The following UNC13D variants were observed in gnomAD, a reference collection of about 807,000 sequenced individuals.
UNC13D encodes the protein protein unc-13 homolog D.
A neutral mutation model predicts 151.7 loss-of-function variants in UNC13D; 115 were observed. The observed-to-expected ratio is 0.76, with a 90% CI of 0.65 to 0.88. UNC13D has a LOEUF of 0.88. UNC13D is among the 40% of genes least tolerant of loss of function. UNC13D has a pLI of 0.00. For synonymous variants in UNC13D, 588 were observed against 612.2 expected (o/e 0.96, Z 0.58); for missense variants, 1,369 against 1,438.7 (o/e 0.95, Z 0.78).
Position 75,828,899 on chromosome 17 carries a change from G to C in UNC13D, c.3039C>G (p.Asp1013Glu), listed in dbSNP as rs769897808. Residue 1013 changes from aspartate to glutamate, a missense_variant, in exon 31 of 32, where the codon GAC becomes GAG. Coordinates refer to ENST00000207549, the MANE Select transcript of UNC13D (RefSeq NM_199242.3). ...GCGGCAGGAAGGCCTCGCCTTCCAG[G>C]TCGTCGGCCCCCAGCGTGTCGTAGT... ...VLDYDTLGAD[D>E]LEGEAFLPLR... 6.2e-7 allele frequency: 1 copy of C among 1,607,138 alleles called. No individual in the cohort carries two copies. The highest frequency in any genetic ancestry group is 8.5e-7 in the Non-Finnish European group (1 of 1,179,594).
intron 19 of UNC13D, 35 bp from the exon 20 acceptor site, chr17:75,835,564 G>A: frequency 6.2e-7 from 1 of 1,605,914 alleles, no homozygotes; most frequent in Non-Finnish European, 8.5e-7. Flanking sequence ...CGGGAAGGCT[G>A]GGGCCACCAT....
chr17:75,843,477 C>T lies in UNC13D; in HGVS notation c.153+7G>A. The T allele has an allele frequency of 6.2e-7, 1 of 1,608,326 alleles. No individual in the cohort carries two copies. Among genetic ancestry groups the T allele is most frequent in the Non-Finnish European group, 8.5e-7 (1 of 1,178,118 alleles). On this transcript the variant is annotated splice_region_variant and intron_variant, in intron 2 of 31. Coordinates refer to ENST00000207549, the MANE Select transcript of UNC13D (RefSeq NM_199242.3). The stretch of plus-strand genomic sequence containing the variant: ...ACCTCTCTGCACCCCAGCACTCTGA[C>T]TCTTACCTGCTCGGGGGAGAAGTGG...
chr17:75,842,914 A>T lies in UNC13D; in HGVS notation c.331T>A (p.Phe111Ile). ...QRVRELEKPI[F>I]CLKATVKQAK... is the part of the protein sequence containing the mutation. ...TGTTTCACTGTTGCCTTCAGACAAAATATTGGCTTCTGGAGGGACAGGAGG... is the reference window on the plus strand; with the variant it reads ...TGTTTCACTGTTGCCTTCAGACAAATTATTGGCTTCTGGAGGGACAGGAGG... Residue 111 changes from phenylalanine (F) to isoleucine (I), a missense_variant, in exon 5 of 32, where the codon TTT becomes ATT. Around this residue, in one of 3 missense-constraint regions of UNC13D, gnomAD observed 550 missense variants for 609.0 expected, o/e 0.90. Transcript: ENST00000207549. The T allele has an allele frequency of 6.2e-7, 1 of 1,613,500 alleles. No individual in the cohort carries two copies. The highest frequency in any genetic ancestry group is 8.5e-7 in the Non-Finnish European group (1 of 1,179,990).
intron 12 of UNC13D, among the ~76,000 whole-genome samples, chr17:75,838,057 C>A (rs939630224): frequency 1.3e-5 from 2 of 152,152 alleles, no homozygotes; most frequent in African/African-American, 2.4e-5. Flanking sequence ...CTCCGAATCA[C>A]CCACCTGCCT....
At chr17:75,834,785 A>C (rs1181452308) in intron 21 of UNC13D, 69 bp from the exon 22 acceptor site, 6 of 1,606,206 alleles carry the variant, frequency 3.7e-6, no homozygotes, top group Non-Finnish European at 5.1e-6. Flanking sequence ...GTGGGAGGGC[A>C]TGGGAATTTC....
chr17:75,844,216 C>A lies in UNC13D; in HGVS notation c.117+5G>T. ...CAGCTCTCTCCCCAGTGAGGTCACTCCTACCTCCGGGGCCATTTGGGGCGG... is the reference window on the plus strand; with the variant it reads ...CAGCTCTCTCCCCAGTGAGGTCACTACTACCTCCGGGGCCATTTGGGGCGG... On this transcript the variant is annotated splice_donor_5th_base_variant and intron_variant, in intron 1 of 31. Transcript: ENST00000207549. 6.2e-7 allele frequency: 1 copy of A among 1,611,164 alleles called. No individual in the cohort carries two copies. The highest frequency in any genetic ancestry group is 8.5e-7 in the Non-Finnish European group (1 of 1,179,904).
chr17:75,843,202 T>C lies in UNC13D; in HGVS notation c.218A>G (p.Asn73Ser). 1 of 1,612,178 alleles carries C rather than the reference T, an allele frequency of 6.2e-7. No individual in the cohort carries two copies. The highest frequency in any genetic ancestry group is 8.5e-7 in the Non-Finnish European group (1 of 1,179,938). Reference protein sequence around the residue: ...VLHRLGHPEPNHVTEASELLR... With the variant: ...VLHRLGHPEPSHVTEASELLR... ...CAGCTCAGAGGCCTCCGTCACATGG[T>C]TGGGCTCAGGATGACCCAGGCGGTG... Residue 73 changes from asparagine to serine, a missense_variant, in exon 3 of 32, where the codon AAC becomes AGC. By Grantham distance (46) the Asn-to-Ser change is conservative. Around this residue, in one of 3 missense-constraint regions of UNC13D, gnomAD observed 550 missense variants for 609.0 expected, o/e 0.90. Transcript: ENST00000207549.
chr17:75,834,890 A>G, intron 21 of UNC13D, 30 bp downstream of exon 21: 2 of 1,613,664 alleles, frequency 1.2e-6, no homozygotes, highest in Non-Finnish European at 1.7e-6. Context: ...TTCTAGAAAG[A>G]GGGGGAAGGA....
At position 75,840,977 on chromosome 17, in the gene UNC13D, C is replaced by G. The variant is rs755967157; in HGVS notation, c.594G>C (p.Ala198=). The change falls in exon 7 of 32, where the codon GCG becomes GCC. Residue 198 remains alanine, a synonymous_variant. Coordinates refer to ENST00000207549, the MANE Select transcript of UNC13D (RefSeq NM_199242.3). This position sits in a 1 kb window ranked among gnomAD's most constrained non-coding sequence, Gnocchi z 4.6. ...CTCACCACATGTCCAGATGAAAGCT[C>G]GCATTGGTGATGTCCTCAAACTCCC... ...FILEFEDITN[A]SFHLDMWDLD... 4 of 1,613,964 alleles carry G rather than the reference C, an allele frequency of 2.5e-6. No homozygotes were observed. The East Asian group carries it at 6.7e-5, about 27-fold the overall frequency.
chr17:75,831,175 G>C lies in UNC13D; in HGVS notation c.2554-6C>G. 1 of 1,614,102 alleles carries C rather than the reference G, an allele frequency of 6.2e-7. No homozygotes were observed. The highest frequency in any genetic ancestry group is 8.5e-7 in the Non-Finnish European group (1 of 1,180,038). On this transcript the variant is annotated splice_polypyrimidine_tract_variant and splice_region_variant and intron_variant, in intron 26 of 31. Coordinates refer to ENST00000207549, the MANE Select transcript of UNC13D (RefSeq NM_199242.3). ...TGGAAGCAGATCTCCAGGTTCTGGG[G>C]GAGATATCAGAGGTGACCCCAGGCA... is the stretch of plus-strand genomic sequence containing the variant.
At chr17:75,842,831 C>G in intron 5 of UNC13D, 26 bp downstream of exon 5, 1 of 1,613,440 alleles carries the variant, frequency 6.2e-7, no homozygotes, top group Non-Finnish European at 8.5e-7. Context: ...GGAAGAAGCC[C>G]CTTGGGGACC....
At chr17:75,839,730 G>A (rs2064933738) in intron 12 of UNC13D, 109 bp downstream of exon 12, 1 of 1,218,260 alleles carries the variant, frequency 8.2e-7, no homozygotes, top group African/African-American at 1.5e-5. Flanking sequence ...CACATTTTGG[G>A]CCAAAGGGAA....
chr17:75,835,375 G>A (rs558322861), intron 20 of UNC13D, 34 bp downstream of exon 20: 14 of 1,604,496 alleles, frequency 8.7e-6, no homozygotes, highest in African/African-American at 8.0e-5. Flanking sequence ...CCCCCAAACC[G>A]GGGCCCCGCC....
chr17:75,835,375 G>C (rs558322861), intron 20 of UNC13D, 34 bp downstream of exon 20: 1 of 1,604,496 alleles, frequency 6.2e-7, no homozygotes. Flanking sequence ...CCCCCAAACC[G>C]GGGCCCCGCC....
intron 2 of UNC13D, 100 bp from the exon 3 acceptor site, chr17:75,843,366 G>GT (rs1276924555): frequency 6.4e-7 from 1 of 1,570,350 alleles, no homozygotes. Context: ...AGCGGAGGGA[G>GT]TTGAGACCCA....
At chr17:75,828,223 G>A (rs992468906) in intron 31 of UNC13D, 137 bp from the exon 32 acceptor site, 13 of 1,341,634 alleles carry the variant, frequency 9.7e-6, no homozygotes, top group South Asian at 4.2e-5. Context: ...TGACAGACCC[G>A]CGCCAGCCCA....
At chr17:75,831,036 G>A (rs1420692232) in intron 27 of UNC13D, 62 bp downstream of exon 27, 1 of 1,592,344 alleles carries the variant, frequency 6.3e-7, no homozygotes, top group Non-Finnish European at 8.6e-7. Flanking sequence ...CCTGGACATA[G>A]GTGAGTGCCA....
chr17:75,835,866 G>C lies in UNC13D; in HGVS notation c.1585C>G (p.Leu529Val), dbSNP rs557323479. Residue 529 changes from leucine (L) to valine (V), a missense_variant, in exon 18 of 32, where the codon CTG becomes GTG. This residue lies in a region of UNC13D where 807 missense variants were observed against 795.5 expected (regional missense o/e 1.01). Coordinates refer to ENST00000207549, the MANE Select transcript of UNC13D (RefSeq NM_199242.3). ...IHLFSMAFRE[L>V]QWLVAKRVQD... The stretch of plus-strand genomic sequence containing the variant: ...GGGGAGGGACTCACCAGCCACTGCA[G>C]CTCCCGGAAAGCCATGGAGAAGAGG... 1.1e-5 allele frequency: 17 copies of C among 1,614,170 alleles called. No homozygotes were observed. In the South Asian group the frequency reaches 1.8e-4, roughly 17 times the overall value.
At position 75,831,362 on chromosome 17, in the gene UNC13D, G is replaced by A. The variant is rs757075933; in HGVS notation, c.2448-14C>T. The A allele has an allele frequency of 1.8e-5, 29 of 1,599,486 alleles. No individual in the cohort carries two copies. Among genetic ancestry groups the A allele is most frequent in the South Asian group, 1.1e-4 (10 of 90,526 alleles). ...AGGGTCAGGAGGCTGGGGCGGGGCCGGAGGGATGCGGACACAGCACGGCAG... is the reference window on the plus strand; with the variant it reads ...AGGGTCAGGAGGCTGGGGCGGGGCCAGAGGGATGCGGACACAGCACGGCAG... On this transcript the variant is annotated splice_polypyrimidine_tract_variant and intron_variant, in intron 25 of 31. Coordinates refer to ENST00000207549, the MANE Select transcript of UNC13D (RefSeq NM_199242.3).
Sources: allele counts gnomAD v4.1 joint callset (sites outside exome capture counted in the v4.1 genomes callset), GRCh38; gene constraint gnomAD v4.1.1; regional missense constraint gnomAD v4.1.1; non-coding constraint Gnocchi (gnomAD v3.1); transcripts MANE v1.5; gene names NCBI Gene and HGNC (gene_info 2026-07-23, HGNC 2026-07-21).